FOXP2: variants seen among roughly 807,000 people sequenced by gnomAD.
The protein encoded by FOXP2 is forkhead box P2.
In FOXP2, 12 loss-of-function variants were observed where a neutral mutation model predicts 115.8. The ratio of observed to expected loss-of-function variants is 0.10; its 90% CI spans 0.07 to 0.17. The LOEUF (loss-of-function observed/expected upper bound fraction) is 0.17. FOXP2 is among the 10% of genes least tolerant of loss of function. The pLI is 1.00. For missense variants in FOXP2, 629 were observed against 843.5 expected (o/e 0.75, Z 3.15); for synonymous variants, 328 against 297.7 (o/e 1.10, Z -1.05).
chr7:114,282,764 G>A lies in FOXP2; in HGVS notation c.-101-5255G>A, dbSNP rs1018344669. 2.0e-5 allele frequency among the ~76,000 whole-genome samples: 3 copies of A among 152,082 alleles called. No homozygotes were observed. The East Asian group carries it at 5.8e-4, about 29-fold the overall frequency. ...TAATGGGCACTGTGTATCTCTGGTGGCAGTTTTACAGCATTTAGCCTTTGC... is the reference window on the plus strand; with the variant it reads ...TAATGGGCACTGTGTATCTCTGGTGACAGTTTTACAGCATTTAGCCTTTGC... On this transcript the variant is annotated intron_variant, in intron 1 of 17. Transcript: ENST00000634411.
chr7:114,207,763 T>C (rs1794236176), intron 1 of FOXP2, among the ~76,000 whole-genome samples: 1 of 152,224 alleles, frequency 6.6e-6, no homozygotes, highest in Non-Finnish European at 1.5e-5. Context: ...CTAAACAGTT[T>C]TTTGAATTTG....
intron 1 of FOXP2, among the ~76,000 whole-genome samples, chr7:114,096,085 A>G (rs1799643626): frequency 6.6e-6 from 1 of 152,146 alleles, no homozygotes; most frequent in Non-Finnish European, 1.5e-5. Context: ...CCATCACGTG[A>G]CATATACATC....
chr7:114,568,023 T>C (rs2062725061), intron 3 of FOXP2, among the ~76,000 whole-genome samples: 1 of 152,148 alleles, frequency 6.6e-6, no homozygotes, highest in African/African-American at 2.4e-5. Context: ...TTCTAAGTTA[T>C]TGTTCTTCAG....
At chr7:114,576,926 C>T (rs1435333115) in intron 3 of FOXP2, among the ~76,000 whole-genome samples, 1 of 151,824 alleles carries the variant, frequency 6.6e-6, no homozygotes, top group Non-Finnish European at 1.5e-5. Flanking sequence ...TATAAATTTT[C>T]AGAATTGTGC....
At chr7:114,683,985 T>C (rs1016060899) in intron 16 of FOXP2, among the ~76,000 whole-genome samples, 2 of 152,184 alleles carry the variant, frequency 1.3e-5, no homozygotes, top group Non-Finnish European at 2.9e-5. Flanking sequence ...TCTTGCATAT[T>C]AAAATTTTCT....
upstream of FOXP2, among the ~76,000 whole-genome samples, chr7:114,161,235 G>C (rs1015353023): frequency 1.3e-5 from 2 of 152,098 alleles, no homozygotes; most frequent in African/African-American, 4.8e-5. Context: ...CTTTAGAAAA[G>C]AAAACAAAAC....
At chr7:114,514,478 G>A (rs1584833210) in intron 2 of FOXP2, among the ~76,000 whole-genome samples, 2 of 7,374 alleles carry the variant, frequency 2.7e-4, no homozygotes, top group Admixed American at 3.4e-3. Flanking sequence ...CAACGTTTTT[G>A]GTTTCACATA....
In FOXP2 at chr7:114,493,748, T is replaced by C. The variant is rs114772869; in HGVS notation, c.169-40869T>C. Among the ~76,000 whole-genome samples the C allele has an allele frequency of 4.8e-3, 728 of 152,138 alleles. 12 individuals carry two copies. Among genetic ancestry groups the C allele is most frequent in the African/African-American group, 0.016 (682 of 41,524 alleles). On this transcript the variant is annotated intron_variant, in intron 2 of 16. Transcript: ENST00000350908. ...TTTACTAAAGAAAACTGAAAAGTTA[T>C]ATGCAAACAAAGCATCTTTAATAGA...
At chr7:114,483,676 A>G (rs901689790) in intron 2 of FOXP2, among the ~76,000 whole-genome samples, 5 of 151,700 alleles carry the variant, frequency 3.3e-5, no homozygotes, top group African/African-American at 1.2e-4. Flanking sequence ...AAAGGTTAAT[A>G]TTGGTATCTT....
intron 2 of FOXP2, among the ~76,000 whole-genome samples, chr7:114,383,335 G>A (rs1792355710): frequency 6.6e-6 from 1 of 152,012 alleles, no homozygotes; most frequent in South Asian, 2.1e-4. Flanking sequence ...GCTTGGAAGG[G>A]GCATAATCAG....
intron 2 of FOXP2, among the ~76,000 whole-genome samples, chr7:114,313,440 T>G (rs550326101): frequency 6.6e-6 from 1 of 152,272 alleles, no homozygotes; most frequent in East Asian, 1.9e-4. Context: ...GTTAATCTAT[T>G]AAAGGTAAAA....
At chr7:114,562,318 T>G (rs559743769) in intron 3 of FOXP2, among the ~76,000 whole-genome samples, 2 of 152,302 alleles carry the variant, frequency 1.3e-5, no homozygotes, top group South Asian at 4.1e-4. Flanking sequence ...AGCAATTGTT[T>G]CACAAGTCTC....
chr7:114,593,445 T>C (rs983069812), intron 3 of FOXP2, among the ~76,000 whole-genome samples: 1 of 152,042 alleles, frequency 6.6e-6, no homozygotes, highest in Non-Finnish European at 1.5e-5. Context: ...GTGGGCATTT[T>C]CATTTCCCTA....
intron 3 of FOXP2, among the ~76,000 whole-genome samples, chr7:114,624,518 A>T (rs1404179231): frequency 6.6e-6 from 1 of 151,856 alleles, no homozygotes; most frequent in Admixed American, 6.6e-5. Context: ...TCCCACACAT[A>T]ATTGGGATGT....
chr7:114,125,782 C>T (rs939045321), intron 1 of FOXP2, among the ~76,000 whole-genome samples: 4 of 152,128 alleles, frequency 2.6e-5, no homozygotes, highest in Middle Eastern at 6.8e-3. Context: ...AGAGGGATTC[C>T]CTCTCTCAGT....
intron 2 of FOXP2, among the ~76,000 whole-genome samples, chr7:114,460,973 T>A (rs1795534937): frequency 6.6e-6 from 1 of 152,206 alleles, no homozygotes. Flanking sequence ...CTTAATAAGC[T>A]GCAGTTATTG....
At chr7:114,534,375 A>G (rs1166331891) in intron 2 of FOXP2, among the ~76,000 whole-genome samples, 1 of 151,822 alleles carries the variant, frequency 6.6e-6, no homozygotes, top group Non-Finnish European at 1.5e-5. Context: ...ATCCTCTTTA[A>G]GCACTTTAAA....
intron 1 of FOXP2, among the ~76,000 whole-genome samples, chr7:114,136,881 C>T (rs1032268391): frequency 1.3e-5 from 2 of 151,884 alleles, no homozygotes; most frequent in African/African-American, 2.4e-5. Context: ...CAGTGAATCC[C>T]AGATACTATG....
At chr7:114,265,063 C>G (rs1167557737) in intron 1 of FOXP2, among the ~76,000 whole-genome samples, 1 of 152,080 alleles carries the variant, frequency 6.6e-6, no homozygotes, top group African/African-American at 2.4e-5. Context: ...CGGCCCCTCC[C>G]AAATCTCATG....
Sources: allele counts gnomAD v4.1 joint callset (sites outside exome capture counted in the v4.1 genomes callset), GRCh38; gene constraint gnomAD v4.1.1; transcripts MANE v1.5; gene names NCBI Gene and HGNC (gene_info 2026-07-23, HGNC 2026-07-21).